LOC400499: variants seen among roughly 807,000 people sequenced by gnomAD.
the LOC400499 span, chr16:11,399,091 C>G: frequency 2.2e-6 from 1 of 461,726 alleles, no homozygotes; most frequent in African/African-American, 2.1e-5. Flanking sequence ...CTCTGCAGAA[C>G]AGTGCTCGGC....
At chr16:11,415,414 C>T in the LOC400499 span, among the ~76,000 whole-genome samples, 2 of 152,354 alleles carry the variant, frequency 1.3e-5, no homozygotes, top group East Asian at 3.9e-4. Flanking sequence ...ACGAGCTCCA[C>T]AGCCCTGAGC....
chr16:11,432,541 G>T, the LOC400499 span, among the ~76,000 whole-genome samples: 4 of 152,050 alleles, frequency 2.6e-5, no homozygotes, highest in Admixed American at 1.3e-4. Context: ...AGAATTAAAC[G>T]AACTTTGGAA....
chr16:11,493,134 T>A, the LOC400499 span, among the ~76,000 whole-genome samples: 4 of 152,028 alleles, frequency 2.6e-5, no homozygotes, highest in Non-Finnish European at 5.9e-5. Context: ...GCCTGGGAAG[T>A]CAATGAAGGG....
At chr16:11,387,767 G>A in the LOC400499 span, among the ~76,000 whole-genome samples, 1 of 152,118 alleles carries the variant, frequency 6.6e-6, no homozygotes, top group African/African-American at 2.4e-5. Flanking sequence ...GGGACTACCA[G>A]CGCCCACCGC....
chr16:11,514,733 G>C, the LOC400499 span, among the ~76,000 whole-genome samples: 50 of 152,288 alleles, frequency 3.3e-4, no homozygotes, highest in East Asian at 8.5e-3. Flanking sequence ...CTGGATTGTG[G>C]CAACATCAGC....
chr16:11,443,485 A>G, the LOC400499 span: 429 of 178,570 alleles, frequency 2.4e-3, 4 homozygotes, highest in Admixed American at 0.013. Context: ...AAAAAAAAAA[A>G]AAAAAAAGAG....
chr16:11,512,011 G>A, the LOC400499 span, among the ~76,000 whole-genome samples: 6 of 152,094 alleles, frequency 3.9e-5, no homozygotes, highest in Admixed American at 3.9e-4. Context: ...GTTGAAGGCT[G>A]GGCACGGTGG....
chr16:11,453,021 C>T, the LOC400499 span, among the ~76,000 whole-genome samples: 2 of 152,026 alleles, frequency 1.3e-5, no homozygotes, highest in Admixed American at 1.3e-4. Flanking sequence ...ACTTTTATTC[C>T]TGAGTTTTCT....
chr16:11,424,265 G>A, the LOC400499 span: 5 of 399,074 alleles, frequency 1.3e-5, no homozygotes, highest in African/African-American at 1.0e-4. Context: ...GAGCCCCCGC[G>A]TTCCACAGCG....
the LOC400499 span, chr16:11,448,996 G>T: frequency 2.0e-6 from 3 of 1,523,162 alleles, no homozygotes; most frequent in Non-Finnish European, 1.8e-6. Flanking sequence ...AGGATCTTAC[G>T]GTCCCGGCTG....
chr16:11,473,023 G>A, the LOC400499 span: 1 of 151,984 alleles, frequency 6.6e-6, no homozygotes, highest in African/African-American at 2.4e-5. Context: ...CAACGACTCA[G>A]GAGAATCGCT....
At chr16:11,394,739 G>C in the LOC400499 span, among the ~76,000 whole-genome samples, 3 of 152,198 alleles carry the variant, frequency 2.0e-5, no homozygotes, top group Admixed American at 2.0e-4. Flanking sequence ...CACCACGTGG[G>C]ACAGAGGCAG....
At chr16:11,400,141 C>T in the LOC400499 span, among the ~76,000 whole-genome samples, 1 of 152,112 alleles carries the variant, frequency 6.6e-6, no homozygotes, top group Non-Finnish European at 1.5e-5. Flanking sequence ...TCACTGGGGC[C>T]TCCAGGGCCA....
the LOC400499 span, chr16:11,488,666 T>C: frequency 2.5e-6 from 1 of 398,506 alleles, no homozygotes; most frequent in Non-Finnish European, 4.4e-6. Flanking sequence ...CCCCAGCCTT[T>C]GTGGTTCCAG....
chr16:11,391,861 C>G, the LOC400499 span: 6 of 1,223,816 alleles, frequency 4.9e-6, no homozygotes, highest in South Asian at 1.2e-4. Flanking sequence ...GCCGGCTGCA[C>G]CTGGACAGGG....
chr16:11,509,120 CTT>C, the LOC400499 span, among the ~76,000 whole-genome samples: 9 of 130,746 alleles, frequency 6.9e-5, no homozygotes, highest in Admixed American at 8.1e-5. Flanking sequence ...CCTTTTTTTT[CTT>C]TTTTTTTTTT....
chr16:11,486,008 T>C, the LOC400499 span, among the ~76,000 whole-genome samples: 1 of 151,980 alleles, frequency 6.6e-6, no homozygotes, highest in Non-Finnish European at 1.5e-5. Flanking sequence ...AGTGAATGGA[T>C]GGATGGGTGG....
chr16:11,374,487 C>T, the LOC400499 span, among the ~76,000 whole-genome samples: 1 of 152,222 alleles, frequency 6.6e-6, no homozygotes, highest in African/African-American at 2.4e-5. Context: ...TAACCCATTA[C>T]TGCTCTCTCC....
chr16:11,440,629 T>G, the LOC400499 span: 1 of 398,150 alleles, frequency 2.5e-6, no homozygotes, highest in South Asian at 1.4e-4. Context: ...TCATGTCTCC[T>G]GCCACCTCCT....
Sources: gnomAD v4.1 joint callset for allele counts (sites outside exome capture counted in the v4.1 genomes callset) on GRCh38, gnomAD v4.1.1 for gene constraint, MANE v1.5 for transcripts.